Variants in THSD7A observed in about 807,000 individuals in gnomAD.
THSD7A encodes the protein thrombospondin type-1 domain-containing protein 7A.
A neutral mutation model predicts 231.3 loss-of-function variants in THSD7A; 96 were observed. That is an observed-to-expected ratio of 0.41 (90% CI 0.35 to 0.49). THSD7A has a LOEUF of 0.49. Among genes scored for constraint, THSD7A ranks in the 20% least tolerant of loss-of-function variants. The pLI, the probability that THSD7A is intolerant of heterozygous loss-of-function variation, is 0.05. For synonymous variants in THSD7A, 940 were observed against 743.3 expected (o/e 1.26, Z -4.30); for missense variants, 2,290 against 2,070.2 (o/e 1.11, Z -2.06).
At chr7:11,646,894 G>A (rs909173274) in intron 1 of THSD7A, among the ~76,000 whole-genome samples, 2 of 152,000 alleles carry the variant, frequency 1.3e-5, no homozygotes, top group Admixed American at 1.3e-4. Flanking sequence ...AGGCACAAAA[G>A]AATAAGAGAA....
intron 6 of THSD7A, among the ~76,000 whole-genome samples, chr7:11,484,615 T>C (rs1010806127): frequency 2.0e-5 from 3 of 152,176 alleles, no homozygotes; most frequent in African/African-American, 7.2e-5. Flanking sequence ...TGCTACTTCA[T>C]ACTTAGAACC....
intron 11 of THSD7A, 76 bp from the exon 12 acceptor site, chr7:11,447,500 T>C (rs1430743928): frequency 7.7e-7 from 1 of 1,303,492 alleles, no homozygotes; most frequent in African/African-American, 1.5e-5. Flanking sequence ...TAACCTAACA[T>C]TTGGTTAAGC....
At chr7:11,545,461 C>A (rs1399951596) in intron 4 of THSD7A, among the ~76,000 whole-genome samples, 1 of 152,124 alleles carries the variant, frequency 6.6e-6, no homozygotes, top group Non-Finnish European at 1.5e-5. Context: ...GAGCTTCTCC[C>A]ACCAAGTGAC....
chr7:11,672,825 T>C (rs905829007), intron 1 of THSD7A, among the ~76,000 whole-genome samples: 6 of 152,220 alleles, frequency 3.9e-5, no homozygotes, highest in Non-Finnish European at 7.3e-5. Context: ...TCTATTTCCA[T>C]GCTTCTCTCA....
intron 10 of THSD7A, 31 bp downstream of exon 10, chr7:11,461,980 C>A (rs181691985): frequency 1.2e-6 from 2 of 1,602,676 alleles, no homozygotes; most frequent in African/African-American, 1.3e-5. Flanking sequence ...TTGTTCAGCT[C>A]CTCCCTCACG....
At chr7:11,769,842 G>A (rs1384845510) in intron 1 of THSD7A, among the ~76,000 whole-genome samples, 1 of 152,026 alleles carries the variant, frequency 6.6e-6, no homozygotes, top group Non-Finnish European at 1.5e-5. Flanking sequence ...GTATCTGTAT[G>A]ATTACTTGCA....
rs955865367 is a variant in THSD7A, at chr7:11,634,125, A to C, written c.1022+2005T>G. ...CTTTCTTGATCACACATGATAATTC[A>C]TATATAATAGAAATATTCACAGCCA... On this transcript the variant is annotated intron_variant, in intron 2 of 27. Transcript: ENST00000423059. This position sits in a 1 kb window ranked among gnomAD's most constrained non-coding sequence, Gnocchi z 4.1. Among the ~76,000 whole-genome samples the C allele has an allele frequency of 6.6e-6, 1 of 152,128 alleles. No homozygotes were observed. Among genetic ancestry groups the C allele is most frequent in the Non-Finnish European group, 1.5e-5 (1 of 68,004 alleles).
chr7:11,750,499 G>T (rs1269958442), intron 1 of THSD7A, among the ~76,000 whole-genome samples: 1 of 151,966 alleles, frequency 6.6e-6, no homozygotes, highest in African/African-American at 2.4e-5. Flanking sequence ...GGTCCTGAAA[G>T]CTCATATTCT....
intron 6 of THSD7A, among the ~76,000 whole-genome samples, chr7:11,515,720 C>G (rs952471502): frequency 6.6e-6 from 1 of 152,050 alleles, no homozygotes; most frequent in African/African-American, 2.4e-5. Context: ...TAGTAAGTGG[C>G]AGAACAAGAC....
chr7:11,740,545 T>TC (rs781351758), intron 1 of THSD7A, among the ~76,000 whole-genome samples: 34 of 151,902 alleles, frequency 2.2e-4, no homozygotes, highest in Non-Finnish European at 2.4e-4. Flanking sequence ...GAGCTTCTTT[T>TC]CCCCCTCAGC....
chr7:11,716,267 A>G (rs1277173891), intron 1 of THSD7A, among the ~76,000 whole-genome samples: 1 of 151,508 alleles, frequency 6.6e-6, no homozygotes, highest in African/African-American at 2.4e-5. Context: ...CCCATCTTGA[A>G]TGCCCCTGTG....
intron 1 of THSD7A, among the ~76,000 whole-genome samples, chr7:11,680,611 C>T (rs1053373280): frequency 6.6e-6 from 1 of 152,184 alleles, no homozygotes; most frequent in Non-Finnish European, 1.5e-5. Context: ...AGCTCATCAT[C>T]ACTGGTCATT....
intron 23 of THSD7A, chr7:11,384,736 T>G (rs1332874437): frequency 6.6e-6 from 1 of 152,102 alleles, no homozygotes; most frequent in African/African-American, 2.4e-5. Flanking sequence ...CTATTGATGC[T>G]TTAGAGTAAG....
At position 11,637,534 on chromosome 7, in the gene THSD7A, TAAGAAGCAAA is replaced by T. The variant is rs1243589640; in HGVS notation, c.191-583_191-574del. On this transcript the variant is annotated intron_variant, in intron 1 of 27. Transcript: ENST00000423059. This position sits in a 1 kb window ranked among gnomAD's most constrained non-coding sequence, Gnocchi z 4.2. ...GTGTTCACTCTCTGGTTATCAAAACTAAGAAGCAAAAATCTTCATTTACACACATTCTGCC... is the reference window on the plus strand; with the variant it reads ...GTGTTCACTCTCTGGTTATCAAAACTAATCTTCATTTACACACATTCTGCC... Among the ~76,000 whole-genome samples the T allele has an allele frequency of 6.6e-6, 1 of 151,336 alleles. No homozygotes were observed. Among genetic ancestry groups the T allele is most frequent in the Non-Finnish European group, 1.5e-5 (1 of 67,850 alleles).
intron 6 of THSD7A, among the ~76,000 whole-genome samples, chr7:11,517,169 C>G (rs1441871951): frequency 6.6e-6 from 1 of 152,144 alleles, no homozygotes; most frequent in Non-Finnish European, 1.5e-5. Context: ...TCCTCCACCT[C>G]CCGGGTTCAT....
intron 2 of THSD7A, among the ~76,000 whole-genome samples, chr7:11,611,165 GTTTTC>G (rs1465600720): frequency 6.6e-6 from 1 of 151,918 alleles, no homozygotes; most frequent in Non-Finnish European, 1.5e-5. Flanking sequence ...TTAAAATACA[GTTTTC>G]TTTTATATAT....
Position 11,406,824 on chromosome 7 carries a change from C to A in THSD7A, c.4062+86G>T, listed in dbSNP as rs1010429520. 3 of 1,464,754 alleles carry A rather than the reference C, an allele frequency of 2.0e-6. No homozygotes were observed. The highest frequency in any genetic ancestry group is 2.8e-5 in the African/African-American group (2 of 70,834). 90.7% of individuals were successfully genotyped at this position (1,464,754 alleles called of 1,614,324 possible). A position where few individuals can be genotyped will look rare whatever the true frequency, so the allele number is the denominator to read the frequency against. On this transcript the variant is annotated intron_variant, in intron 21 of 27. Coordinates refer to ENST00000423059, the MANE Select transcript of THSD7A (RefSeq NM_015204.3). This position sits in a 1 kb window ranked among gnomAD's most constrained non-coding sequence, Gnocchi z 4.7. ...CATCTGTGAGCTCTGAAACATATTT[C>A]TAACACATTATTTTTATGTTTTTCT... is the stretch of plus-strand genomic sequence containing the variant.
chr7:11,561,345 T>G (rs7784606), intron 4 of THSD7A, among the ~76,000 whole-genome samples: 3,425 of 152,252 alleles, frequency 0.022, 146 homozygotes, highest in African/African-American at 0.078. Flanking sequence ...TCAAACCTAG[T>G]GGTCTATCAA....
chr7:11,788,975 G>A (rs1386864227), intron 1 of THSD7A, among the ~76,000 whole-genome samples: 1 of 151,856 alleles, frequency 6.6e-6, no homozygotes, highest in Non-Finnish European at 1.5e-5. Flanking sequence ...GTGTCAAACA[G>A]GAACAAATGT....
Sources: allele counts gnomAD v4.1 joint callset (sites outside exome capture counted in the v4.1 genomes callset), GRCh38; gene constraint gnomAD v4.1.1; non-coding constraint Gnocchi (gnomAD v3.1); transcripts MANE v1.5; gene names NCBI Gene and HGNC (gene_info 2026-07-23, HGNC 2026-07-21).